UBE2O: variants seen among roughly 807,000 people sequenced by gnomAD.
The protein encoded by UBE2O is (E3-independent) E2 ubiquitin-conjugating enzyme.
In UBE2O, 15 loss-of-function variants were observed where a neutral mutation model predicts 125.8. That is an observed-to-expected ratio of 0.12 (90% CI 0.08 to 0.18). The LOEUF is 0.18. Ranked by LOEUF, UBE2O falls within the 10% of genes least tolerant of loss-of-function variation. The pLI, the probability that UBE2O is intolerant of heterozygous loss-of-function variation, is 1.00. For missense variants in UBE2O, 1,280 were observed against 1,723.6 expected, an observed-to-expected ratio of 0.74 and a Z score of 4.56; for synonymous variants, 708 against 703.2, an observed-to-expected ratio of 1.01 and a Z score of -0.11.
intron 1 of UBE2O, among the ~76,000 whole-genome samples, chr17:76,423,121 G>A (rs1567846956): frequency 6.6e-6 from 1 of 152,204 alleles, no homozygotes; most frequent in Admixed American, 6.5e-5. Context: ...TCACAGCATG[G>A]AGCTCATTCA....
intron 1 of UBE2O, among the ~76,000 whole-genome samples, chr17:76,420,372 C>T (rs2072689499): frequency 6.6e-6 from 1 of 152,080 alleles, no homozygotes. Context: ...TGCAGGGGGG[C>T]CTATCTTCCC....
Position 76,398,722 on chromosome 17 carries a change from C to CTT in UBE2O, c.1783+113_1783+114dup. ...GAGACCCCTTCATGAGGGCAGTCCC[C>CTT]TTCTGGACCTCATTTTAGCTCTGAC... On this transcript the variant is annotated intron_variant, in intron 10 of 17. Transcript: ENST00000319380. This position sits in a 1 kb window ranked among gnomAD's most constrained non-coding sequence, Gnocchi z 5.4. The CTT allele has an allele frequency of 6.7e-7, 1 of 1,491,484 alleles. No homozygotes were observed. Among genetic ancestry groups the CTT allele is most frequent in the Non-Finnish European group, 9.2e-7 (1 of 1,090,938 alleles). The allele number at this position is 1,491,484 out of a possible 1,614,324, so 92.4% of individuals were successfully genotyped here. A position where few individuals can be genotyped will look rare whatever the true frequency, so the allele number is the denominator to read the frequency against.
At chr17:76,392,160 G>A (rs1369511118) in intron 15 of UBE2O, 47 bp from the exon 16 acceptor site, 9 of 1,264,430 alleles carry the variant, frequency 7.1e-6, no homozygotes, top group Non-Finnish European at 9.7e-6. Flanking sequence ...AGGGGTGGAA[G>A]GGGGTGTCCT....
Position 76,400,327 on chromosome 17 carries a change from G to A in UBE2O, c.1005-30C>T. On this transcript the variant is annotated intron_variant, in intron 7 of 17. Coordinates refer to ENST00000319380, the MANE Select transcript of UBE2O (RefSeq NM_022066.4). The surrounding 1 kb of genome is among the most constrained non-coding windows in gnomAD (Gnocchi z 4.3). Reference sequence around the variant, plus strand: ...TTGGGGAAGAAGTGGGGGTGAGCTGGGCTGGACTCCTGGGAGGCCAGCAGT... The same window carrying A: ...TTGGGGAAGAAGTGGGGGTGAGCTGAGCTGGACTCCTGGGAGGCCAGCAGT... 3.7e-6 allele frequency: 6 copies of A among 1,609,974 alleles called. No individual in the cohort carries two copies. The highest frequency in any genetic ancestry group is 5.1e-6 in the Non-Finnish European group (6 of 1,177,208).
Position 76,390,019 on chromosome 17 carries a change from T to C in UBE2O, c.*924A>G, listed in dbSNP as rs1287281553. 1.3e-5 allele frequency: 2 copies of C among 152,536 alleles called. No individual in the cohort carries two copies. The highest frequency in any genetic ancestry group is 2.9e-5 in the Non-Finnish European group (2 of 68,054). 9.4% of individuals were successfully genotyped at this position (152,536 alleles called of 1,614,324 possible). On this transcript the variant is annotated 3_prime_UTR_variant, in exon 18 of 18. Coordinates refer to ENST00000319380, the MANE Select transcript of UBE2O (RefSeq NM_022066.4). The stretch of plus-strand genomic sequence containing the variant: ...GCCCCCGCCGGCCGTCCCCTTCGGA[T>C]TGAGCCTGCAGTTTGTAAGCGAAGG...
intron 15 of UBE2O, among the ~76,000 whole-genome samples, chr17:76,393,435 A>T (rs1052522505): frequency 1.3e-5 from 2 of 151,530 alleles, no homozygotes; most frequent in Non-Finnish European, 1.5e-5. Context: ...GGGTTTCACC[A>T]TGTTGGTCAG....
In UBE2O at chr17:76,402,151, G is replaced by T; in HGVS notation, c.687-24C>A. The T allele has an allele frequency of 1.9e-6, 3 of 1,612,082 alleles. No homozygotes were observed. Among genetic ancestry groups the T allele is most frequent in the Non-Finnish European group, 2.5e-6 (3 of 1,179,312 alleles). ...ACCTAAAACAGAGAACAGAGGTTTG[G>T]TCTCCACCAGGGGACACAGTGAGTA... On this transcript the variant is annotated intron_variant, in intron 4 of 17. Transcript: ENST00000319380. This position sits in a 1 kb window ranked among gnomAD's most constrained non-coding sequence, Gnocchi z 5.4.
chr17:76,452,357 C>T lies in UBE2O; in HGVS notation c.417+368G>A, dbSNP rs1034915420. ...GGATGCACAATGCAGTACCGAGCTC[C>T]TTGGGGGTCAGCAAAACGCCGCACT... is the stretch of plus-strand genomic sequence containing the variant. On this transcript the variant is annotated intron_variant, in intron 1 of 17. Coordinates refer to ENST00000319380, the MANE Select transcript of UBE2O (RefSeq NM_022066.4). The surrounding 1 kb of genome is among the most constrained non-coding windows in gnomAD (Gnocchi z 4.4). 6.6e-6 allele frequency among the ~76,000 whole-genome samples: 1 copy of T among 152,162 alleles called. No homozygotes were observed. The highest frequency in any genetic ancestry group is 1.5e-5 in the Non-Finnish European group (1 of 68,018).
chr17:76,438,687 T>G (rs760867546), intron 1 of UBE2O, among the ~76,000 whole-genome samples: 19 of 152,288 alleles, frequency 1.2e-4, no homozygotes, highest in Non-Finnish European at 7.3e-5. Context: ...AAATTGAACA[T>G]CATTAAAATT....
At chr17:76,444,116 G>C (rs1162592259) in intron 1 of UBE2O, among the ~76,000 whole-genome samples, 1 of 152,192 alleles carries the variant, frequency 6.6e-6, no homozygotes, top group Non-Finnish European at 1.5e-5. Flanking sequence ...AGCTACTTGG[G>C]AGGCTGAGGC....
intron 1 of UBE2O, among the ~76,000 whole-genome samples, chr17:76,412,845 T>A (rs1275504209): frequency 1.3e-5 from 2 of 152,022 alleles, no homozygotes; most frequent in African/African-American, 4.8e-5. Flanking sequence ...CCGTCTCTAT[T>A]AAAAATACAA....
Position 76,402,017 on chromosome 17 carries a change from G to A in UBE2O, c.750+47C>T. ...TTTGCTACGAAGTCCTCCTTCCAGA[G>A]GACTGAGCAATCAGAGAAGGGTGCT... On this transcript the variant is annotated intron_variant, in intron 5 of 17. Transcript: ENST00000319380. This position sits in a 1 kb window ranked among gnomAD's most constrained non-coding sequence, Gnocchi z 5.4. 1 of 1,599,528 alleles carries A rather than the reference G, an allele frequency of 6.3e-7. No individual in the cohort carries two copies. Among genetic ancestry groups the A allele is most frequent in the Non-Finnish European group, 8.5e-7 (1 of 1,171,040 alleles).
chr17:76,434,598 G>T (rs1014223203), intron 1 of UBE2O, among the ~76,000 whole-genome samples: 1 of 151,944 alleles, frequency 6.6e-6, no homozygotes, highest in Admixed American at 6.6e-5. Context: ...ACCTTATATG[G>T]CCGTGGTTTG....
chr17:76,424,859 T>A (rs922835343), intron 1 of UBE2O, among the ~76,000 whole-genome samples: 8 of 148,930 alleles, frequency 5.4e-5, no homozygotes, highest in Admixed American at 2.0e-4. Flanking sequence ...CTTTTTTTTT[T>A]TTTATTTTTT....
chr17:76,438,306 G>A (rs996611503), intron 1 of UBE2O, among the ~76,000 whole-genome samples: 2 of 152,108 alleles, frequency 1.3e-5, no homozygotes, highest in Non-Finnish European at 2.9e-5. Flanking sequence ...GCACTGAACT[G>A]TTTATTTAAA....
At position 76,400,718 on chromosome 17, in the gene UBE2O, C is replaced by A. The variant is rs556385764; in HGVS notation, c.895-168G>T. ...CCCCAACTGTAACCACGGCCCCCAC[C>A]CAATGCCCAGGACCAGTGTCACTGC... On this transcript the variant is annotated intron_variant, in intron 6 of 17. Coordinates refer to ENST00000319380, the MANE Select transcript of UBE2O (RefSeq NM_022066.4). The surrounding 1 kb of genome is among the most constrained non-coding windows in gnomAD (Gnocchi z 4.3). 1.3e-5 allele frequency among the ~76,000 whole-genome samples: 2 copies of A among 152,290 alleles called. No homozygotes were observed. The highest frequency in any genetic ancestry group is 3.9e-4 in the East Asian group (2 of 5,176).
chr17:76,390,838 G>T lies in UBE2O; in HGVS notation c.*105C>A. 1 of 1,183,834 alleles carries T rather than the reference G, an allele frequency of 8.4e-7. No homozygotes were observed. The highest frequency in any genetic ancestry group is 1.2e-6 in the Non-Finnish European group (1 of 846,178). 73.3% of individuals were successfully genotyped at this position (1,183,834 alleles called of 1,614,324 possible). ...TTGGGGAGAAGAGGGCAGTGGGTTT[G>T]CAGTGGGGACAGAGGGGCATGGGAA... is the stretch of plus-strand genomic sequence containing the variant. On this transcript the variant is annotated 3_prime_UTR_variant, in exon 18 of 18. Coordinates refer to ENST00000319380, the MANE Select transcript of UBE2O (RefSeq NM_022066.4).
intron 1 of UBE2O, among the ~76,000 whole-genome samples, chr17:76,421,722 A>G (rs565855719): frequency 2.4e-4 from 36 of 152,338 alleles, no homozygotes; most frequent in African/African-American, 7.0e-4. Flanking sequence ...TTTGAGATCC[A>G]TTACAACTGG....
At chr17:76,449,562 G>A (rs2073202024) in intron 1 of UBE2O, among the ~76,000 whole-genome samples, 1 of 151,420 alleles carries the variant, frequency 6.6e-6, no homozygotes, top group Non-Finnish European at 1.5e-5. Context: ...GTGACAGAGA[G>A]AGACTCTGTT....
Sources: allele counts gnomAD v4.1 joint callset (sites outside exome capture counted in the v4.1 genomes callset), GRCh38; gene constraint gnomAD v4.1.1; non-coding constraint Gnocchi (gnomAD v3.1); transcripts MANE v1.5; gene names NCBI Gene and HGNC (gene_info 2026-07-23, HGNC 2026-07-21).